CEP83: variants seen among roughly 807,000 people sequenced by gnomAD.
CEP83 encodes centrosomal protein 83.
In CEP83, 70 loss-of-function variants were observed where a neutral mutation model predicts 101.9. The observed-to-expected ratio is 0.69, with a 90% confidence interval of 0.57 to 0.84. The LOEUF is 0.84. Ranked by LOEUF, CEP83 falls within the 40% of genes least tolerant of loss-of-function variation. The pLI, the probability that CEP83 is intolerant of heterozygous loss-of-function variation, is 0.00. For missense variants in CEP83, 715 were observed against 787.2 expected (o/e 0.91, Z 1.10); for synonymous variants, 264 against 267.9 (o/e 0.99, Z 0.14).
chr12:94,347,012 T>C (rs1464563543), intron 11 of CEP83, among the ~76,000 whole-genome samples: 1 of 149,212 alleles, frequency 6.7e-6, no homozygotes, highest in African/African-American at 2.5e-5. Context: ...CACTCCAGCC[T>C]GGGCAACAGA....
downstream of CEP83, among the ~76,000 whole-genome samples, chr12:94,302,757 T>C (rs1033170914): frequency 9.9e-5 from 15 of 152,234 alleles, no homozygotes; most frequent in Non-Finnish European, 2.9e-5. Flanking sequence ...CAACTACTGC[T>C]GCTAATTATT....
At chr12:94,339,972 G>A (rs1313633384) in intron 11 of CEP83, among the ~76,000 whole-genome samples, 1 of 152,154 alleles carries the variant, frequency 6.6e-6, no homozygotes, top group Non-Finnish European at 1.5e-5. Flanking sequence ...GAGAAAATGT[G>A]TCCAATGGGC....
the CEP83 span, among the ~76,000 whole-genome samples, chr12:94,295,357 C>T: frequency 6.6e-6 from 1 of 152,226 alleles, no homozygotes; most frequent in African/African-American, 2.4e-5. Flanking sequence ...CTATATGGGG[C>T]TGTGGTGAAG....
chr12:94,421,730 T>C (rs2064768523), intron 2 of CEP83, among the ~76,000 whole-genome samples: 1 of 152,216 alleles, frequency 6.6e-6, no homozygotes, highest in Admixed American at 6.5e-5. Flanking sequence ...ACCTAGATGA[T>C]ATCGCCTATT....
chr12:94,389,489 T>C (rs2062377585), intron 6 of CEP83, among the ~76,000 whole-genome samples: 1 of 152,176 alleles, frequency 6.6e-6, no homozygotes, highest in Non-Finnish European at 1.5e-5. Flanking sequence ...AAGAAAACAA[T>C]AGGAGACGGT....
chr12:94,375,131 G>A (rs1387983057), intron 8 of CEP83, among the ~76,000 whole-genome samples: 2 of 152,068 alleles, frequency 1.3e-5, no homozygotes, highest in East Asian at 3.9e-4. Flanking sequence ...TTGGGTTGAG[G>A]GGAAGGTGGT....
In CEP83 at chr12:94,389,530, C is replaced by T. The variant is rs191754778; in HGVS notation, c.550-10488G>A. ...CAAGATGGCCAACTAGGAACAGCTC[C>T]GGTCTGCAGCTCCCAGTGTGATGGA... On this transcript the variant is annotated intron_variant, in intron 6 of 16. Coordinates refer to ENST00000397809, the MANE Select transcript of CEP83 (RefSeq NM_016122.3). 1.6e-4 allele frequency among the ~76,000 whole-genome samples: 24 copies of T among 152,296 alleles called. No homozygotes were observed. The East Asian group carries it at 4.0e-3, about 26-fold the overall frequency.
rs190700475 is a variant in CEP83 at position 94,377,994 on chromosome 12, G to A, written c.801+797C>T. 2.2e-3 allele frequency among the ~76,000 whole-genome samples: 326 copies of A among 148,388 alleles called. 1 individual carries two copies. The highest frequency in any genetic ancestry group is 7.4e-3 in the African/African-American group (306 of 41,180). On this transcript the variant is annotated intron_variant, in intron 7 of 16. Transcript: ENST00000397809. ...CATTGTACTCCTGTACCACTGGCTGGGGAAAAAAAAAATCACCATCTTGGA... is the reference window on the plus strand; with the variant it reads ...CATTGTACTCCTGTACCACTGGCTGAGGAAAAAAAAAATCACCATCTTGGA...
At chr12:94,361,660 G>A (rs2060767976) in intron 11 of CEP83, 1 of 151,962 alleles carries the variant, frequency 6.6e-6, no homozygotes, top group Non-Finnish European at 1.5e-5. Context: ...ACAGAGTGAA[G>A]AGACAACCTA....
chr12:94,268,533 T>C, the CEP83 span, among the ~76,000 whole-genome samples: 1 of 151,412 alleles, frequency 6.6e-6, no homozygotes, highest in Non-Finnish European at 1.5e-5. Context: ...CACAGGACTT[T>C]AGTCTTTCCT....
In CEP83 at chr12:94,396,028, C is replaced by T. The variant is rs534209437; in HGVS notation, c.549+4822G>A. Among the ~76,000 whole-genome samples the T allele has an allele frequency of 2.0e-5, 3 of 152,198 alleles. No individual in the cohort carries two copies. The East Asian group carries it at 5.8e-4, about 29-fold the overall frequency. ...TCACAGGATGTAGTGCTCCTCGTCC[C>T]TCCCTCTCTCCTGAGATCTTAGTAT... is the stretch of plus-strand genomic sequence containing the variant. On this transcript the variant is annotated intron_variant, in intron 6 of 16. Coordinates refer to ENST00000397809, the MANE Select transcript of CEP83 (RefSeq NM_016122.3).
intron 7 of CEP83, among the ~76,000 whole-genome samples, chr12:94,376,690 T>TAC (rs533315599): frequency 0.05 from 5,870 of 117,210 alleles, 265 homozygotes; most frequent in African/African-American, 0.12. Context: ...TATACATATA[T>TAC]ACACACACAC....
the CEP83 span, among the ~76,000 whole-genome samples, chr12:94,267,981 T>C: frequency 6.6e-6 from 1 of 152,154 alleles, no homozygotes; most frequent in Admixed American, 6.6e-5. Flanking sequence ...TGATTCTGTG[T>C]GTCCTTGTGT....
intron 6 of CEP83, among the ~76,000 whole-genome samples, chr12:94,390,215 G>T (rs1381062923): frequency 6.6e-6 from 1 of 152,164 alleles, no homozygotes; most frequent in East Asian, 1.9e-4. Context: ...CCTCTCAGTA[G>T]GGGCCAACAG....
intron 1 of CEP83, among the ~76,000 whole-genome samples, chr12:94,458,420 G>A (rs982260227): frequency 2.0e-5 from 3 of 152,086 alleles, no homozygotes; most frequent in Admixed American, 6.6e-5. Context: ...CAACTCTCAG[G>A]AGAGTCCTGT....
chr12:94,375,605 A>T (rs2061493149), intron 8 of CEP83, among the ~76,000 whole-genome samples: 1 of 152,222 alleles, frequency 6.6e-6, no homozygotes, highest in Non-Finnish European at 1.5e-5. Context: ...AGAATTGATC[A>T]GATTCTGCAT....
At chr12:94,300,550 G>C in the CEP83 span, among the ~76,000 whole-genome samples, 1 of 152,072 alleles carries the variant, frequency 6.6e-6, no homozygotes, top group Non-Finnish European at 1.5e-5. Flanking sequence ...GAGCAGAGGA[G>C]AGACATGGTC....
At chr12:94,348,888 T>C (rs191465699) in intron 11 of CEP83, among the ~76,000 whole-genome samples, 1 of 152,316 alleles carries the variant, frequency 6.6e-6, no homozygotes, top group Admixed American at 6.5e-5. Flanking sequence ...TCTGCCATAG[T>C]CACCTGACCT....
At chr12:94,299,396 A>AAGT in the CEP83 span, among the ~76,000 whole-genome samples, 7 of 152,172 alleles carry the variant, frequency 4.6e-5, no homozygotes, top group South Asian at 1.4e-3. Flanking sequence ...AGTTATGATG[A>AAGT]AGTAGAACTT....
Sources: gnomAD v4.1 joint callset for allele counts (sites outside exome capture counted in the v4.1 genomes callset) on GRCh38, gnomAD v4.1.1 for gene constraint, MANE v1.5 for transcripts, NCBI Gene and HGNC (gene_info 2026-07-23, HGNC 2026-07-21) for gene names.